Variants in PACRG observed in about 807,000 individuals in gnomAD.
PACRG encodes parkin coregulated, also known as parkin coregulated gene protein.
In PACRG, 29 loss-of-function variants were observed where a neutral mutation model predicts 29.7. That is an observed-to-expected ratio of 0.98 (90% CI 0.73 to 1.33). PACRG has a LOEUF of 1.33. Among genes scored for constraint, PACRG ranks in the 40% most tolerant of loss-of-function variants. The probability of loss-of-function intolerance (pLI) is 0.00; values close to 1 mark genes in which losing one functional copy is unlikely to be tolerated. For missense variants in PACRG, 279 were observed against 316.2 expected (o/e 0.88, Z 0.89); for synonymous variants, 116 against 118.7 (o/e 0.98, Z 0.15).
intron 2 of PACRG, among the ~76,000 whole-genome samples, chr6:162,927,813 A>T (rs763792891): frequency 2.0e-5 from 3 of 151,792 alleles, no homozygotes; most frequent in Non-Finnish European, 4.4e-5. Flanking sequence ...AGCAAAGCAA[A>T]CAAACAAACA....
intron 4 of PACRG, among the ~76,000 whole-genome samples, chr6:163,131,165 G>A (rs1157847836): frequency 4.6e-5 from 7 of 151,986 alleles, no homozygotes; most frequent in African/African-American, 9.7e-5. Flanking sequence ...AAAATTATCC[G>A]GGCGTGGTGG....
intron 1 of PACRG, among the ~76,000 whole-genome samples, chr6:162,798,196 C>A (rs749888161): frequency 1.3e-5 from 2 of 152,162 alleles, no homozygotes; most frequent in Admixed American, 1.3e-4. Flanking sequence ...CCTCTCTATT[C>A]TGTCGGAAAG....
At chr6:163,103,653 G>T (rs150478194) in intron 4 of PACRG, among the ~76,000 whole-genome samples, 1 of 152,218 alleles carries the variant, frequency 6.6e-6, no homozygotes, top group Non-Finnish European at 1.5e-5. Context: ...AATAACAAGG[G>T]GACGGAAATA....
intron 3 of PACRG, among the ~76,000 whole-genome samples, chr6:163,081,293 A>G (rs532380786): frequency 2.9e-4 from 44 of 152,310 alleles, no homozygotes; most frequent in African/African-American, 1.0e-3. Flanking sequence ...AGACACTATA[A>G]TAGACAAATT....
chr6:163,214,569 C>CT (rs1208950444), intron 4 of PACRG, among the ~76,000 whole-genome samples: 5 of 151,858 alleles, frequency 3.3e-5, no homozygotes, highest in South Asian at 2.1e-4. Context: ...TATATTTAAT[C>CT]TTTTTTTAAT....
At chr6:163,285,343 C>A (rs1170218565) in intron 4 of PACRG, among the ~76,000 whole-genome samples, 1 of 152,114 alleles carries the variant, frequency 6.6e-6, no homozygotes, top group African/African-American at 2.4e-5. Flanking sequence ...TGACACATCC[C>A]CACTCGGGCA....
chr6:162,947,430 T>C (rs1395397509), intron 2 of PACRG, among the ~76,000 whole-genome samples: 2 of 70,374 alleles, frequency 2.8e-5, no homozygotes, highest in Non-Finnish European at 5.9e-5. Context: ...CATAAAATCA[T>C]ATATATAAAA....
intron 2 of PACRG, among the ~76,000 whole-genome samples, chr6:162,993,288 G>T: frequency 3.5e-5 from 5 of 143,608 alleles, no homozygotes; most frequent in African/African-American, 1.0e-4. Flanking sequence ...TCAATTCCTG[G>T]GTATCCTTGT....
intron 3 of PACRG, among the ~76,000 whole-genome samples, chr6:163,070,936 T>C (rs1168275012): frequency 6.6e-6 from 1 of 151,820 alleles, no homozygotes; most frequent in Non-Finnish European, 1.5e-5. Context: ...TTTCAAGTCA[T>C]AAACTATAAG....
rs1267299684 is a variant in PACRG, at chr6:163,131,984, C to G, written c.613+42576C>G. 2.0e-5 allele frequency among the ~76,000 whole-genome samples: 3 copies of G among 152,192 alleles called. No homozygotes were observed. In the East Asian group the frequency reaches 5.8e-4, roughly 29 times the overall value. On this transcript the variant is annotated intron_variant, in intron 4 of 4. Coordinates refer to ENST00000366888, the MANE Select transcript of PACRG (RefSeq NM_001080379.2). Reference sequence around the variant, plus strand: ...AGTAACATGGCTCATCTTCAAACTACTGCGTAGCCATTTGTGTGCAGCTTT... The same window carrying G: ...AGTAACATGGCTCATCTTCAAACTAGTGCGTAGCCATTTGTGTGCAGCTTT...
chr6:163,248,043 A>G (rs1389256245), intron 4 of PACRG, among the ~76,000 whole-genome samples: 4 of 152,192 alleles, frequency 2.6e-5, no homozygotes, highest in African/African-American at 4.8e-5. Context: ...TCGTTTTCCT[A>G]TGCTGCAAAG....
intron 1 of PACRG, among the ~76,000 whole-genome samples, chr6:162,806,252 G>T (rs1786315932): frequency 6.6e-6 from 1 of 151,826 alleles, no homozygotes; most frequent in African/African-American, 2.4e-5. Context: ...GGGATCACAG[G>T]CATGCACCAC....
chr6:163,259,030 G>A (rs1783222635), intron 4 of PACRG, among the ~76,000 whole-genome samples: 1 of 152,098 alleles, frequency 6.6e-6, no homozygotes, highest in African/African-American at 2.4e-5. Flanking sequence ...TTCATAAATC[G>A]TCTCCACATC....
intron 2 of PACRG, among the ~76,000 whole-genome samples, chr6:162,990,300 T>C (rs960863705): frequency 2.0e-5 from 3 of 151,896 alleles, no homozygotes; most frequent in Non-Finnish European, 4.4e-5. Context: ...TCTAGATCCC[T>C]GAGAATCGCC....
chr6:163,132,089 A>T (rs1386792853), intron 4 of PACRG, among the ~76,000 whole-genome samples: 1 of 152,218 alleles, frequency 6.6e-6, no homozygotes, highest in Non-Finnish European at 1.5e-5. Context: ...TTATAATACT[A>T]GCTTACTATA....
intron 1 of PACRG, among the ~76,000 whole-genome samples, chr6:162,794,073 T>G (rs547987315): frequency 6.6e-6 from 1 of 152,282 alleles, no homozygotes; most frequent in South Asian, 2.1e-4. Context: ...AGTGTATCCA[T>G]TTACACTCAA....
chr6:162,899,242 G>A (rs575402071), intron 2 of PACRG, among the ~76,000 whole-genome samples: 1 of 152,286 alleles, frequency 6.6e-6, no homozygotes, highest in Non-Finnish European at 1.5e-5. Flanking sequence ...TGGTGTGCCA[G>A]GGGAGAAAGA....
At chr6:163,262,847 GC>G (rs1783378803) in intron 4 of PACRG, among the ~76,000 whole-genome samples, 2 of 149,326 alleles carry the variant, frequency 1.3e-5, no homozygotes, top group Non-Finnish European at 3.0e-5. Flanking sequence ...TTCAAGACTA[GC>G]CTGGGCAACA....
At chr6:163,017,060 C>G (rs994481841) in intron 2 of PACRG, among the ~76,000 whole-genome samples, 2 of 151,994 alleles carry the variant, frequency 1.3e-5, no homozygotes, top group African/African-American at 4.8e-5. Flanking sequence ...TGAAGGAGAG[C>G]TGTGTTCTTT....
Sources: gnomAD v4.1 joint callset for allele counts (sites outside exome capture counted in the v4.1 genomes callset) on GRCh38, gnomAD v4.1.1 for gene constraint, MANE v1.5 for transcripts, NCBI Gene and HGNC (gene_info 2026-07-23, HGNC 2026-07-21) for gene names.